RGPD1: variants seen among roughly 807,000 people sequenced by gnomAD.
RGPD1 encodes the protein RANBP2-like and GRIP domain-containing protein 1.
Under a neutral mutation model 40.6 loss-of-function variants are expected in RGPD1, and 7 were observed. That is an observed-to-expected ratio of 0.17 (90% CI 0.10 to 0.32). RGPD1 has a LOEUF of 0.32. Ranked by LOEUF, RGPD1 falls within the 10% of genes least tolerant of loss-of-function variation. RGPD1 has a pLI of 1.00. For synonymous variants in RGPD1, 24 were observed against 167.0 expected (o/e 0.14, Z 6.60); for missense variants, 50 against 472.5 (o/e 0.11, Z 8.29).
In RGPD1 at chr2:86,942,246, A is replaced by G. The variant is rs1679843768; in HGVS notation, c.10A>G (p.Ser4Gly). Residue 4 changes from serine (S) to glycine (G), a missense_variant, in exon 1 of 23, where the codon AGC becomes GGC. By Grantham distance (56) the Ser-to-Gly change is moderately conservative. Transcript: ENST00000641458. MRR[S>G]KAYGERYVAS... ...CCAGGTTGGCGGTGCGATGAGGCGC[A>G]GCAAGGCCTACGGGGAGCGGTACGT... 6 of 1,606,424 alleles carry G rather than the reference A, an allele frequency of 3.7e-6. No homozygotes were observed. The highest frequency in any genetic ancestry group is 5.1e-6 in the Non-Finnish European group (6 of 1,177,508).
chr2:86,942,332 ACGGCCTCG>A, intron 1 of RGPD1, 24 bp downstream of exon 1: 1 of 1,389,246 alleles, frequency 7.2e-7, no homozygotes, highest in South Asian at 1.3e-5. Flanking sequence ...GAAGAGACCG[ACGGCCTCG>A]ACCTGGCCGG....
chr2:86,929,384 G>A, intron 1 of RGPD1, among the ~76,000 whole-genome samples: 1 of 152,030 alleles, frequency 6.6e-6, no homozygotes, highest in Non-Finnish European at 1.5e-5. Flanking sequence ...GTGAAACACA[G>A]TGGCCCTGCT....
intron 1 of RGPD1, among the ~76,000 whole-genome samples, chr2:86,942,896 G>C (rs990828994): frequency 4.6e-5 from 7 of 152,130 alleles, no homozygotes; most frequent in Admixed American, 2.0e-4. Flanking sequence ...TCTTTCTCCC[G>C]GTTTGTTCCC....
At chr2:86,938,730 G>A (rs1267515605), upstream of RGPD1, among the ~76,000 whole-genome samples, 2 of 144,966 alleles carry the variant, frequency 1.4e-5, no homozygotes, top group African/African-American at 2.6e-5. Flanking sequence ...AAGGGCACTG[G>A]CTTTTAGTAT....
chr2:86,942,295 C>T lies in RGPD1; in HGVS notation c.59C>T (p.Pro20Leu), dbSNP rs1176734759. 22 of 1,599,832 alleles carry T rather than the reference C, an allele frequency of 1.4e-5. No homozygotes were observed. Among genetic ancestry groups the T allele is most frequent in the East Asian group, 6.8e-5 (3 of 44,296 alleles). The change falls in exon 1 of 23, where the codon CCG becomes CTG. Residue 20 changes from proline to leucine, a missense_variant. Coordinates refer to ENST00000641458, the MANE Select transcript of RGPD1 (RefSeq NM_001382344.1). ...RYVASVQGSA[P>L]SPGKKLRGFY... ...GTCGCCTCGGTGCAGGGCTCCGCCC[C>T]GTCGCCTGGAAAGGTGAGTGGATCT...
At chr2:86,925,538 G>A (rs898080848) in intron 1 of RGPD1, among the ~76,000 whole-genome samples, 3 of 152,178 alleles carry the variant, frequency 2.0e-5, no homozygotes, top group African/African-American at 7.2e-5. Context: ...AAAGTTTTGG[G>A]ATTACAGGCA....
chr2:86,938,650 ATGCT>A (rs1679510417), upstream of RGPD1, among the ~76,000 whole-genome samples: 3 of 151,448 alleles, frequency 2.0e-5, no homozygotes, highest in South Asian at 6.2e-4. Context: ...TTATTTTGTC[ATGCT>A]TTAAGGCCCA....
chr2:86,915,123 C>T (rs1454199506), intron 1 of RGPD1, among the ~76,000 whole-genome samples: 1 of 149,836 alleles, frequency 6.7e-6, no homozygotes, highest in Non-Finnish European at 1.5e-5. Context: ...TGGTGAAACC[C>T]TTTCTCTACT....
chr2:86,930,333 G>C (rs1409156932), intron 1 of RGPD1: 10 of 1,195,152 alleles, frequency 8.4e-6, no homozygotes, highest in Non-Finnish European at 1.2e-5. Flanking sequence ...GCGCGGAGGC[G>C]GGGGGCGGGG....
At chr2:87,000,554 C>T (rs539323723) in intron 22 of RGPD1, among the ~76,000 whole-genome samples, 1 of 95,092 alleles carries the variant, frequency 1.1e-5, no homozygotes, top group East Asian at 2.6e-4. Context: ...AAGATTATTT[C>T]CTACTTGTCT....
At chr2:86,923,125 G>A (rs77717962) in intron 1 of RGPD1, among the ~76,000 whole-genome samples, 498 of 110,574 alleles carry the variant, frequency 4.5e-3, no homozygotes, top group Non-Finnish European at 5.7e-3. Flanking sequence ...TGCAATCTCC[G>A]CCTCCCAGGT....
intron 1 of RGPD1, among the ~76,000 whole-genome samples, chr2:86,944,877 C>G (rs957194100): frequency 6.6e-6 from 1 of 151,832 alleles, no homozygotes; most frequent in Non-Finnish European, 1.5e-5. Context: ...CATGCGCCAC[C>G]ATGCCCGGCT....
chr2:86,917,843 T>C (rs1558781388), intron 1 of RGPD1, among the ~76,000 whole-genome samples: 1 of 70,044 alleles, frequency 1.4e-5, no homozygotes, highest in Admixed American at 1.7e-4. Context: ...TCTCACTTAA[T>C]ATTTAATGTT....
In RGPD1 at chr2:86,914,418, GGGCGGC is replaced by G. The variant is rs1175704937; in HGVS notation, c.72+549_72+554del. ...CGGCGGCGGCGGCCTCGACCTGGCC[GGGCGGC>G]GGCGGCGGCGGCGGCGGCGGCGGCG... On this transcript the variant is annotated intron_variant, in intron 1 of 22. Coordinates refer to the RGPD1 transcript ENST00000398193. Among the ~76,000 whole-genome samples, 8 of 9,836 alleles carry G rather than the reference GGGCGGC, an allele frequency of 8.1e-4. 1 individual carries two copies. Among genetic ancestry groups the G allele is most frequent in the Non-Finnish European group, 1.5e-3 (8 of 5,264 alleles). The allele number at this position is 9,836 out of a possible 152,430, so 6.5% of individuals were successfully genotyped here.
chr2:86,931,928 A>T (rs1313558203), intron 1 of RGPD1, among the ~76,000 whole-genome samples: 1 of 148,412 alleles, frequency 6.7e-6, no homozygotes, highest in African/African-American at 2.4e-5. Flanking sequence ...TAATATATTC[A>T]TTATATATAT....
At chr2:86,944,528 G>A (rs961373574) in intron 1 of RGPD1, among the ~76,000 whole-genome samples, 3 of 151,636 alleles carry the variant, frequency 2.0e-5, no homozygotes, top group Non-Finnish European at 4.4e-5. Flanking sequence ...TCAGTCTCCC[G>A]AGTAGTTGGG....
chr2:86,942,363 A>G, intron 1 of RGPD1, 55 bp downstream of exon 1: 1 of 1,357,306 alleles, frequency 7.4e-7, no homozygotes, highest in Non-Finnish European at 9.6e-7. Flanking sequence ...GGCGGCCTCG[A>G]CCTGGCCGGG....
intron 1 of RGPD1, among the ~76,000 whole-genome samples, chr2:86,914,174 C>A (rs1347296164): frequency 2.3e-4 from 13 of 56,692 alleles, no homozygotes; most frequent in African/African-American, 8.7e-4. Flanking sequence ...CGGCCTCGGC[C>A]TGGCCGGACG....
At chr2:86,926,217 T>TA (rs1458532891) in intron 1 of RGPD1, among the ~76,000 whole-genome samples, 2 of 151,636 alleles carry the variant, frequency 1.3e-5, no homozygotes, top group Non-Finnish European at 3.0e-5. Flanking sequence ...TCCAGCCACT[T>TA]AGTTTTATAT....
Sources: gnomAD v4.1 joint callset for allele counts (sites outside exome capture counted in the v4.1 genomes callset) on GRCh38, gnomAD v4.1.1 for gene constraint, MANE v1.5 for transcripts, NCBI Gene and HGNC (gene_info 2026-07-23, HGNC 2026-07-21) for gene names.